ZNF207: variants seen among roughly 807,000 people sequenced by gnomAD.
ZNF207 encodes zinc finger protein 207.
In ZNF207, 24 loss-of-function variants were observed where a neutral mutation model predicts 60.2. The ratio of observed to expected loss-of-function variants is 0.40; its 90% CI spans 0.29 to 0.56. ZNF207 has a LOEUF of 0.56. ZNF207 is among the 20% of genes least tolerant of loss of function. The pLI is 0.49. For missense variants in ZNF207, 452 were observed against 636.6 expected (o/e 0.71, Z 3.12); for synonymous variants, 236 against 194.7 (o/e 1.21, Z -1.77).
chr17:32,362,447 G>A (rs1439779925), intron 6 of ZNF207, among the ~76,000 whole-genome samples: 7 of 152,182 alleles, frequency 4.6e-5, no homozygotes, highest in Non-Finnish European at 1.0e-4. Flanking sequence ...ATAGGCATGA[G>A]CTGCTGCACC....
rs990267840 is a variant in ZNF207 at position 32,360,462 on chromosome 17, G to A, written c.308-136G>A. 93 of 754,136 alleles carry A rather than the reference G, an allele frequency of 1.2e-4. No individual in the cohort carries two copies. In the Admixed American group the frequency reaches 2.6e-3, roughly 21 times the overall value. 46.7% of individuals were successfully genotyped at this position (754,136 alleles called of 1,614,324 possible). On this transcript the variant is annotated intron_variant, in intron 3 of 11. Coordinates refer to ENST00000394670, the MANE Select transcript of ZNF207 (RefSeq NM_001098507.2). ...CGAAAACACATTTGAAGAACATAGA[G>A]CAGTATTAATTGAATTTTTGGGGAA...
At chr17:32,363,932 G>C (rs928987355) in intron 7 of ZNF207, among the ~76,000 whole-genome samples, 1 of 152,040 alleles carries the variant, frequency 6.6e-6, no homozygotes, top group Non-Finnish European at 1.5e-5. Flanking sequence ...TGCTTTTTTT[G>C]ACTTTGCTCA....
At chr17:32,355,255 T>C (rs8065246) in intron 2 of ZNF207, among the ~76,000 whole-genome samples, 92,464 of 151,956 alleles carry the variant, frequency 0.61, 29,207 homozygotes, top group African/African-American at 0.71. Flanking sequence ...TTGGGCATGG[T>C]GGCACGTGCC....
At position 32,369,719 on chromosome 17, in the gene ZNF207, G is replaced by T. The variant is rs1350018266; in HGVS notation, c.1445G>T (p.Gly482Val). 14 of 1,584,120 alleles carry T rather than the reference G, an allele frequency of 8.8e-6. No individual in the cohort carries two copies. The highest frequency in any genetic ancestry group is 1.2e-5 in the Non-Finnish European group (14 of 1,166,704). Residue 482 changes from glycine (G) to valine (V), a missense_variant, in exon 12 of 12, where the codon GGA becomes GTA. Physicochemically the swap from Gly to Val is moderately radical, Grantham distance 109 (BLOSUM62 -3). Transcript: ENST00000394670. Reference sequence around the variant, plus strand: ...GGTGGGCCTCCTCGACCTCCGATGGGAATGAGACCTCCTGTAATGTCGCAA... The same window carrying T: ...GGTGGGCCTCCTCGACCTCCGATGGTAATGAGACCTCCTGTAATGTCGCAA... ...YQGGPPRPPMGMRPPVMSQGG... is the reference protein window; with the variant it reads ...YQGGPPRPPMVMRPPVMSQGG...
intron 6 of ZNF207, among the ~76,000 whole-genome samples, chr17:32,361,853 C>G (rs1904897914): frequency 6.6e-6 from 1 of 152,070 alleles, no homozygotes; most frequent in African/African-American, 2.4e-5. Flanking sequence ...ATTTTCTAAT[C>G]TATTAATAGA....
rs1165891216 is a variant in ZNF207 at position 32,376,809 on chromosome 17, C to G, written c.*7050C>G. On this transcript the variant is annotated 3_prime_UTR_variant, in exon 12 of 12. Coordinates refer to ENST00000394670, the MANE Select transcript of ZNF207 (RefSeq NM_001098507.2). ...GAGGAGGTACATGTGAGTAAACTGT[C>G]TTAATGGTTGATTACTTGGAACCCA... 6.6e-6 allele frequency: 1 copy of G among 151,992 alleles called. No individual in the cohort carries two copies. Among genetic ancestry groups the G allele is most frequent in the Non-Finnish European group, 1.5e-5 (1 of 67,902 alleles). 9.4% of individuals were successfully genotyped at this position (151,992 alleles called of 1,614,324 possible). A position where few individuals can be genotyped will look rare whatever the true frequency, so the allele number is the denominator to read the frequency against.
chr17:32,381,179 G>C lies in ZNF207; in HGVS notation c.*11420G>C, dbSNP rs910053556. 1.3e-5 allele frequency: 2 copies of C among 152,160 alleles called. No individual in the cohort carries two copies. The highest frequency in any genetic ancestry group is 2.9e-5 in the Non-Finnish European group (2 of 68,028). 9.4% of individuals were successfully genotyped at this position (152,160 alleles called of 1,614,324 possible). On this transcript the variant is annotated 3_prime_UTR_variant, in exon 12 of 12. Transcript: ENST00000394670. ...TTATGAAGTGGTACAAGATTGCAAA[G>C]GTTAGTAAAGGGACCTGTCTGTCAG...
Position 32,371,913 on chromosome 17 carries a change from A to G in ZNF207, c.*2154A>G, listed in dbSNP as rs1355782214. 3 of 152,162 alleles carry G rather than the reference A, an allele frequency of 2.0e-5. No homozygotes were observed. Among genetic ancestry groups the G allele is most frequent in the Non-Finnish European group, 2.9e-5 (2 of 68,030 alleles). The allele number at this position is 152,162 out of a possible 1,614,324, so 9.4% of individuals were successfully genotyped here. On this transcript the variant is annotated 3_prime_UTR_variant, in exon 12 of 12. Transcript: ENST00000394670. ...TTCCCCTCTGAACCTCTGCTTACCT[A>G]AATGGTTTCAAAATTAATACATGCT...
At chr17:32,369,062 T>A (rs1905340377) in intron 10 of ZNF207, 1 of 473,926 alleles carries the variant, frequency 2.1e-6, no homozygotes, top group Admixed American at 3.6e-5. Flanking sequence ...TTGAAGCAAT[T>A]TGTAATTCCC....
At chr17:32,367,431 A>G (rs1905255587) in intron 9 of ZNF207, among the ~76,000 whole-genome samples, 1 of 151,508 alleles carries the variant, frequency 6.6e-6, no homozygotes, top group South Asian at 2.1e-4. Flanking sequence ...CATTAAAAAT[A>G]GAACACATGC....
chr17:32,367,651 TTAA>T lies in ZNF207; in HGVS notation c.922-119_922-117del, dbSNP rs1178092892. ...GAATGTTTATCACATTAACTTTGTA[TTAA>T]TTTCATTTAAAGTTTGGTCCTTTAT... On this transcript the variant is annotated intron_variant, in intron 9 of 11. Coordinates refer to ENST00000394670, the MANE Select transcript of ZNF207 (RefSeq NM_001098507.2). The T allele has an allele frequency of 3.9e-6, 5 of 1,289,710 alleles. No homozygotes were observed. The Admixed American group carries it at 1.3e-4, about 32-fold the overall frequency. The allele number at this position is 1,289,710 out of a possible 1,614,324, so 79.9% of individuals were successfully genotyped here. A position where few individuals can be genotyped will look rare whatever the true frequency, so the allele number is the denominator to read the frequency against.
rs968483129 is a variant in ZNF207, at chr17:32,372,061, G to A, written c.*2302G>A. 4 of 152,342 alleles carry A rather than the reference G, an allele frequency of 2.6e-5. No individual in the cohort carries two copies. The highest frequency in any genetic ancestry group is 6.5e-5 in the Admixed American group (1 of 15,304). 9.4% of individuals were successfully genotyped at this position (152,342 alleles called of 1,614,324 possible). A position where few individuals can be genotyped will look rare whatever the true frequency, so the allele number is the denominator to read the frequency against. On this transcript the variant is annotated 3_prime_UTR_variant, in exon 12 of 12. Transcript: ENST00000394670. The stretch of plus-strand genomic sequence containing the variant: ...CACGCCTGTAATCCCAGCACTTTGG[G>A]AGGCCCAGGCGGGTGGATCATGAGG...
chr17:32,373,480 T>C lies in ZNF207; in HGVS notation c.*3721T>C. 2 of 583,086 alleles carry C rather than the reference T, an allele frequency of 3.4e-6. No individual in the cohort carries two copies. Among genetic ancestry groups the C allele is most frequent in the East Asian group, 5.7e-5 (2 of 35,274 alleles). The allele number at this position is 583,086 out of a possible 1,614,324, so 36.1% of individuals were successfully genotyped here. On this transcript the variant is annotated 3_prime_UTR_variant, in exon 12 of 12. Coordinates refer to ENST00000394670, the MANE Select transcript of ZNF207 (RefSeq NM_001098507.2). ...CAAGTGGGATTTATTTTATTCCTTA[T>C]AGGGGCTTTCACAGCTTTATGGCTG...
chr17:32,363,297 A>T (rs977263958), intron 7 of ZNF207, among the ~76,000 whole-genome samples: 9 of 151,872 alleles, frequency 5.9e-5, no homozygotes, highest in African/African-American at 2.2e-4. Context: ...CATGTTGACC[A>T]GGTTGGTCTT....
At position 32,378,411 on chromosome 17, in the gene ZNF207, A is replaced by C. The variant is rs1218236435; in HGVS notation, c.*8652A>C. 6.6e-6 allele frequency: 1 copy of C among 152,096 alleles called. No homozygotes were observed. The highest frequency in any genetic ancestry group is 6.5e-5 in the Admixed American group (1 of 15,276). The allele number at this position is 152,096 out of a possible 1,614,324, so 9.4% of individuals were successfully genotyped here. A position where few individuals can be genotyped will look rare whatever the true frequency, so the allele number is the denominator to read the frequency against. On this transcript the variant is annotated 3_prime_UTR_variant, in exon 12 of 12. Transcript: ENST00000394670. Reference sequence around the variant, plus strand: ...AAGTTTCCTCACATCTAGAAATGATAAATGGTGTACAGTCATAAGCTAGAA... The same window carrying C: ...AAGTTTCCTCACATCTAGAAATGATCAATGGTGTACAGTCATAAGCTAGAA...
In ZNF207 at chr17:32,379,871, C is replaced by G. The variant is rs192710362; in HGVS notation, c.*10112C>G. The G allele has an allele frequency of 6.6e-6, 1 of 152,286 alleles. No homozygotes were observed. The highest frequency in any genetic ancestry group is 1.9e-4 in the East Asian group (1 of 5,190). The allele number at this position is 152,286 out of a possible 1,614,324, so 9.4% of individuals were successfully genotyped here. A position where few individuals can be genotyped will look rare whatever the true frequency, so the allele number is the denominator to read the frequency against. ...CTTTATTTAGCCTCGCTATATGTAACACATGGATTATTTTTTCCCTCTAGT... is the reference window on the plus strand; with the variant it reads ...CTTTATTTAGCCTCGCTATATGTAAGACATGGATTATTTTTTCCCTCTAGT... On this transcript the variant is annotated 3_prime_UTR_variant, in exon 12 of 12. Transcript: ENST00000394670.
chr17:32,351,429 T>G (rs1597750338), intron 1 of ZNF207: 1 of 1,325,138 alleles, frequency 7.5e-7, no homozygotes, highest in African/African-American at 1.5e-5. Flanking sequence ...GACAGAACCT[T>G]AGGGATTTCT....
In ZNF207 at chr17:32,350,231, C is replaced by T. The variant is rs768657070; in HGVS notation, c.-55C>T. On this transcript the variant is annotated 5_prime_UTR_variant, in exon 1 of 12. Coordinates refer to ENST00000394670, the MANE Select transcript of ZNF207 (RefSeq NM_001098507.2). Reference sequence around the variant, plus strand: ...GTTGGGAAAGTGAGGGATTTTTGGCCTCGTTTCTCCTGCTTCTTTTCTCCT... The same window carrying T: ...GTTGGGAAAGTGAGGGATTTTTGGCTTCGTTTCTCCTGCTTCTTTTCTCCT... 17 of 1,611,924 alleles carry T rather than the reference C, an allele frequency of 1.1e-5. No homozygotes were observed. The highest frequency in any genetic ancestry group is 1.3e-5 in the Non-Finnish European group (15 of 1,178,286).
At position 32,378,729 on chromosome 17, in the gene ZNF207, G is replaced by A. The variant is rs1905770884; in HGVS notation, c.*8970G>A. On this transcript the variant is annotated 3_prime_UTR_variant, in exon 12 of 12. Coordinates refer to ENST00000394670, the MANE Select transcript of ZNF207 (RefSeq NM_001098507.2). The stretch of plus-strand genomic sequence containing the variant: ...TTTTATTCTACCCGAGTTCATTGTT[G>A]TTTGAACCATCCTCTAAAGATTTCC... 1.3e-5 allele frequency: 2 copies of A among 151,790 alleles called. No individual in the cohort carries two copies. The highest frequency in any genetic ancestry group is 6.6e-5 in the Admixed American group (1 of 15,240). The allele number at this position is 151,790 out of a possible 1,614,324, so 9.4% of individuals were successfully genotyped here. A position where few individuals can be genotyped will look rare whatever the true frequency, so the allele number is the denominator to read the frequency against.
Sources: gnomAD v4.1 joint callset for allele counts (sites outside exome capture counted in the v4.1 genomes callset) on GRCh38, gnomAD v4.1.1 for gene constraint, MANE v1.5 for transcripts, NCBI Gene and HGNC (gene_info 2026-07-23, HGNC 2026-07-21) for gene names.